Variants in SNX4 observed in about 807,000 individuals in gnomAD.
The protein encoded by SNX4 is sorting nexin 4.
In SNX4, 49 loss-of-function variants were observed where a neutral mutation model predicts 70.8. That is an observed-to-expected ratio of 0.69 (90% CI 0.55 to 0.88). SNX4 has a LOEUF of 0.88. Ranked by LOEUF, SNX4 falls within the 40% of genes least tolerant of loss-of-function variation. The pLI is 0.00. For missense variants in SNX4, 528 were observed against 544.8 expected (o/e 0.97, Z 0.31); for synonymous variants, 206 against 183.8 (o/e 1.12, Z -0.98).
rs188771854 is a variant in SNX4, at chr3:125,475,238, T to C, written c.788+1457A>G. ...CTACTACTCTAATAAATGAATTAAATAAATTTAAATCTCTATCTCACATCT... is the reference window on the plus strand; with the variant it reads ...CTACTACTCTAATAAATGAATTAAACAAATTTAAATCTCTATCTCACATCT... On this transcript the variant is annotated intron_variant, in intron 8 of 13. Transcript: ENST00000251775. Among the ~76,000 whole-genome samples the C allele has an allele frequency of 7.9e-5, 12 of 152,282 alleles. No individual in the cohort carries two copies. The East Asian group carries it at 2.1e-3, about 27-fold the overall frequency.
chr3:125,493,790 G>A (rs1435895154), intron 5 of SNX4, among the ~76,000 whole-genome samples: 1 of 151,980 alleles, frequency 6.6e-6, no homozygotes, highest in African/African-American at 2.4e-5. Context: ...CCAGCACTTT[G>A]GGAGGCTGAG....
At chr3:125,494,376 G>A (rs1934733275) in intron 5 of SNX4, among the ~76,000 whole-genome samples, 1 of 152,060 alleles carries the variant, frequency 6.6e-6, no homozygotes, top group African/African-American at 2.4e-5. Context: ...TGTGACCTTG[G>A]CTAAGTCACA....
At chr3:125,478,614 G>A (rs1426761671) in intron 7 of SNX4, among the ~76,000 whole-genome samples, 3 of 151,880 alleles carry the variant, frequency 2.0e-5, no homozygotes, top group Non-Finnish European at 4.4e-5. Context: ...GATGGAAAAT[G>A]TCATTCTAAC....
chr3:125,450,338 T>A (rs1933542454), intron 13 of SNX4, among the ~76,000 whole-genome samples: 1 of 152,246 alleles, frequency 6.6e-6, no homozygotes, highest in African/African-American at 2.4e-5. Context: ...TGGAGCCCAC[T>A]TAACCAGTGA....
intron 1 of SNX4, among the ~76,000 whole-genome samples, chr3:125,516,624 T>C (rs1468825186): frequency 6.6e-6 from 1 of 152,166 alleles, no homozygotes; most frequent in Non-Finnish European, 1.5e-5. Context: ...GTGGATCACT[T>C]GAGGTCAGGA....
At chr3:125,509,160 G>A (rs1017426775) in intron 1 of SNX4, among the ~76,000 whole-genome samples, 7 of 149,920 alleles carry the variant, frequency 4.7e-5, no homozygotes, top group African/African-American at 9.8e-5. Flanking sequence ...TGGTGAAACC[G>A]CATCTCTACA....
Position 125,447,222 on chromosome 3 carries a change from T to C in SNX4, c.*557A>G, listed in dbSNP as rs1453598213. ...TATCAAAATTCTGGTAAAACACAAATTGAAGGCATTTTCTAGTGTATGCAA... is the reference window on the plus strand; with the variant it reads ...TATCAAAATTCTGGTAAAACACAAACTGAAGGCATTTTCTAGTGTATGCAA... On this transcript the variant is annotated 3_prime_UTR_variant, in exon 14 of 14. Coordinates refer to ENST00000251775, the MANE Select transcript of SNX4 (RefSeq NM_003794.4). 2.0e-5 allele frequency: 3 copies of C among 152,608 alleles called. No homozygotes were observed. The highest frequency in any genetic ancestry group is 6.5e-5 in the Admixed American group (1 of 15,276). The allele number at this position is 152,608 out of a possible 1,614,324, so 9.5% of individuals were successfully genotyped here.
intron 5 of SNX4, among the ~76,000 whole-genome samples, chr3:125,495,281 C>CACAA (rs1934767388): frequency 3.8e-5 from 1 of 26,468 alleles, no homozygotes. Flanking sequence ...TATATATACA[C>CACAA]ATACACACAC....
chr3:125,519,954 GCCCAGCCCAGCCCA>G, intron 1 of SNX4, 64 bp downstream of exon 1: 1 of 1,081,878 alleles, frequency 9.2e-7, no homozygotes, highest in Non-Finnish European at 1.2e-6. Context: ...GCCCGGCCCA[GCCCAGCCCAGCCCA>G]GCCCAGCCCG....
chr3:125,494,757 C>A (rs1934744610), intron 5 of SNX4, among the ~76,000 whole-genome samples: 1 of 152,174 alleles, frequency 6.6e-6, no homozygotes, highest in East Asian at 1.9e-4. Flanking sequence ...TAAGAGTGCA[C>A]AAGCAAAATT....
chr3:125,514,061 A>ATTTTTTGTTTTTT, intron 1 of SNX4, among the ~76,000 whole-genome samples: 1 of 151,504 alleles, frequency 6.6e-6, no homozygotes, highest in Non-Finnish European at 1.5e-5. Flanking sequence ...AAGGGCACTA[A>ATTTTTTGTTTTTT]TCCCACTCAC....
intron 8 of SNX4, among the ~76,000 whole-genome samples, chr3:125,475,349 C>T (rs943282600): frequency 6.6e-6 from 1 of 152,048 alleles, no homozygotes; most frequent in Non-Finnish European, 1.5e-5. Context: ...CCACCTAGAA[C>T]CCACCACCTG....
intron 1 of SNX4, among the ~76,000 whole-genome samples, chr3:125,519,124 G>T (rs1479290996): frequency 6.6e-6 from 1 of 152,154 alleles, no homozygotes; most frequent in South Asian, 2.1e-4. Flanking sequence ...CTGGGGGGTC[G>T]AGGGTGAAGT....
chr3:125,465,956 G>A (rs1410708836), intron 9 of SNX4, among the ~76,000 whole-genome samples: 1 of 151,966 alleles, frequency 6.6e-6, no homozygotes, highest in Non-Finnish European at 1.5e-5. Flanking sequence ...GTAAACTTTA[G>A]AATTAGCAAT....
At chr3:125,450,139 A>C (rs1174914833) in intron 13 of SNX4, among the ~76,000 whole-genome samples, 1 of 152,220 alleles carries the variant, frequency 6.6e-6, no homozygotes, top group Non-Finnish European at 1.5e-5. Context: ...ACCTAGCTGC[A>C]GGCAAGAAGA....
rs1933440456 is a variant in SNX4, at chr3:125,447,003, T to C, written c.*776A>G. The C allele has an allele frequency of 1.3e-5, 2 of 152,588 alleles. No homozygotes were observed. Among genetic ancestry groups the C allele is most frequent in the Non-Finnish European group, 2.9e-5 (2 of 68,022 alleles). The allele number at this position is 152,588 out of a possible 1,614,324, so 9.5% of individuals were successfully genotyped here. On this transcript the variant is annotated 3_prime_UTR_variant, in exon 14 of 14. Transcript: ENST00000251775. ...CTACATCTTATACCCTGAAATGCCA[T>C]GTGTAGAGAGCCAAGCAGAGTAAAT...
At position 125,460,786 on chromosome 3, in the gene SNX4, T is replaced by A; in HGVS notation, c.929A>T (p.Tyr310Phe). The change falls in exon 10 of 14, where the codon TAT becomes TTT. Residue 310 changes from tyrosine (Y) to phenylalanine (F), a missense_variant. By Grantham distance (22) the Tyr-to-Phe change is conservative. Transcript: ENST00000251775. ...YADQLKEYLF[Y>F]AEALRAVCRK... ...TTAAACTTACCGCAATGCTTCTGCA[T>A]AAAAAAGATACTCTTTTAACTGATC... The A allele has an allele frequency of 6.4e-7, 1 of 1,551,588 alleles. No homozygotes were observed. Among genetic ancestry groups the A allele is most frequent in the Non-Finnish European group, 8.7e-7 (1 of 1,144,906 alleles).
intron 13 of SNX4, 120 bp downstream of exon 13, chr3:125,451,185 T>C (rs888917686): frequency 2.3e-5 from 11 of 488,736 alleles, no homozygotes; most frequent in Admixed American, 2.0e-4. Context: ...AATAGAGAAA[T>C]TGGTAAACAT....
chr3:125,465,641 ACTTTTT>A (rs1933991688), intron 9 of SNX4, among the ~76,000 whole-genome samples: 1 of 150,876 alleles, frequency 6.6e-6, no homozygotes, highest in Admixed American at 6.6e-5. Flanking sequence ...ATAAACTTTT[ACTTTTT>A]ATTTTATTTT....
Sources: allele counts gnomAD v4.1 joint callset (sites outside exome capture counted in the v4.1 genomes callset), GRCh38; gene constraint gnomAD v4.1.1; transcripts MANE v1.5; gene names NCBI Gene and HGNC (gene_info 2026-07-23, HGNC 2026-07-21).